The following P2RY12 variants were observed in gnomAD, a reference collection of about 807,000 sequenced individuals.
The protein encoded by P2RY12 is purinergic receptor P2Y12.
A neutral mutation model predicts 4.5 loss-of-function variants in P2RY12; 3 were observed. The observed-to-expected ratio is 0.67, with a 90% CI of 0.31 to 1.74. The LOEUF is 1.74. P2RY12 is among the 40% of genes most tolerant of loss of function. The pLI, the probability that P2RY12 is intolerant of heterozygous loss-of-function variation, is 0.09. For missense variants in P2RY12, 356 were observed against 407.8 expected (o/e 0.87, Z 1.09); for synonymous variants, 148 against 154.1 (o/e 0.96, Z 0.29).
At chr3:151,350,222 G>T (rs1414965197) in intron 1 of P2RY12, 1 of 1,610,800 alleles carries the variant, frequency 6.2e-7, no homozygotes. Context: ...GAACCTTAAT[G>T]CATTTGCTCC....
At chr3:151,377,104 C>T in intron 1 of P2RY12, 1 of 1,614,046 alleles carries the variant, frequency 6.2e-7, no homozygotes, top group Non-Finnish European at 8.5e-7. Flanking sequence ...CTGGCATGAG[C>T]CTCTTCAACC....
intron 1 of P2RY12, among the ~76,000 whole-genome samples, chr3:151,347,077 C>G (rs192724099): frequency 5.9e-5 from 9 of 152,172 alleles, no homozygotes; most frequent in Admixed American, 2.0e-4. Flanking sequence ...TGATCCTTTC[C>G]TAACTTCTTA....
chr3:151,373,106 A>G (rs1181629475), intron 1 of P2RY12, among the ~76,000 whole-genome samples: 2 of 152,196 alleles, frequency 1.3e-5, no homozygotes, highest in African/African-American at 4.8e-5. Context: ...TAACCAAAAT[A>G]TAGCTATTAA....
At chr3:151,368,080 T>A (rs1269047432) in intron 1 of P2RY12, 3 of 1,229,118 alleles carry the variant, frequency 2.4e-6, no homozygotes, top group Middle Eastern at 3.8e-4. Flanking sequence ...AAATTTAGCT[T>A]AATAGGAAAC....
chr3:151,338,600 A>G lies in P2RY12; in HGVS notation c.246T>C (p.Leu82=), dbSNP rs371733348. ...LMILTFPFKI[L]SDAKLGTGPL... ...GTCCTGTTCCCAGTTTGGCATCACT[A>G]AGAATTTTGAATGGAAAAGTCAGAA... Residue 82 remains leucine (L), a synonymous_variant, in exon 3 of 3, where the codon CTT becomes CTC. Transcript: ENST00000302632. 14 of 1,614,072 alleles carry G rather than the reference A, an allele frequency of 8.7e-6. No individual in the cohort carries two copies. Among genetic ancestry groups the G allele is most frequent in the African/African-American group, 5.3e-5 (4 of 75,050 alleles).
chr3:151,337,254 A>G lies in P2RY12; in HGVS notation c.*563T>C, dbSNP rs1369597393. Reference sequence around the variant, plus strand: ...TAAAAAATTAAGTCCAATCAAATACAGTTTCAATTAGTTTAAATCCCTTAG... The same window carrying G: ...TAAAAAATTAAGTCCAATCAAATACGGTTTCAATTAGTTTAAATCCCTTAG... On this transcript the variant is annotated 3_prime_UTR_variant, in exon 3 of 3. Coordinates refer to ENST00000302632, the MANE Select transcript of P2RY12 (RefSeq NM_022788.5). 6.6e-6 allele frequency: 1 copy of G among 152,380 alleles called. No homozygotes were observed. The highest frequency in any genetic ancestry group is 2.4e-5 in the African/African-American group (1 of 41,456). The allele number at this position is 152,380 out of a possible 1,614,324, so 9.4% of individuals were successfully genotyped here. A position where few individuals can be genotyped will look rare whatever the true frequency, so the allele number is the denominator to read the frequency against.
chr3:151,379,993 T>A lies in P2RY12; in HGVS notation c.-180+4699A>T, dbSNP rs192877724. 2.0e-3 allele frequency: 1,248 copies of A among 616,410 alleles called. 4 individuals are homozygous for A. Among genetic ancestry groups the A allele is most frequent in the Non-Finnish European group, 2.4e-3 (855 of 359,566 alleles). The allele number at this position is 616,410 out of a possible 1,614,324, so 38.2% of individuals were successfully genotyped here. A position where few individuals can be genotyped will look rare whatever the true frequency, so the allele number is the denominator to read the frequency against. On this transcript the variant is annotated intron_variant, in intron 1 of 2. Transcript: ENST00000302632. ...AGGTATGATTTAAATTTTCAAGCAGTCTTTGGCTATTTACCACCTCTCTTA... is the reference window on the plus strand; with the variant it reads ...AGGTATGATTTAAATTTTCAAGCAGACTTTGGCTATTTACCACCTCTCTTA...
intron 1 of P2RY12, among the ~76,000 whole-genome samples, chr3:151,353,862 C>A (rs1753553697): frequency 6.6e-6 from 1 of 152,022 alleles, no homozygotes; most frequent in African/African-American, 2.4e-5. Flanking sequence ...ACAGTGCTGG[C>A]CGGGCGCGGT....
chr3:151,340,384 T>C (rs1751659513), intron 2 of P2RY12, among the ~76,000 whole-genome samples: 2 of 152,182 alleles, frequency 1.3e-5, no homozygotes, highest in South Asian at 2.1e-4. Flanking sequence ...TTTCTATGCT[T>C]TGTATAATTT....
At chr3:151,366,019 G>A in intron 1 of P2RY12, 3 of 1,520,386 alleles carry the variant, frequency 2.0e-6, no homozygotes, top group Non-Finnish European at 2.6e-6. Flanking sequence ...TTTAAAAATT[G>A]AACTGTGCAA....
At chr3:151,350,709 G>T (rs891746784) in intron 1 of P2RY12, among the ~76,000 whole-genome samples, 3 of 152,064 alleles carry the variant, frequency 2.0e-5, no homozygotes, top group African/African-American at 7.2e-5. Flanking sequence ...GATTGCAGTA[G>T]GTAGTGATGG....
intron 1 of P2RY12, among the ~76,000 whole-genome samples, chr3:151,364,167 TTA>T (rs1754996624): frequency 6.6e-6 from 1 of 152,164 alleles, no homozygotes; most frequent in South Asian, 2.1e-4. Context: ...ATGGCTAAGT[TTA>T]TATAGAATCT....
rs866117666 is a variant in P2RY12 at position 151,350,412 on chromosome 3, G to C, written c.-179-9652C>G. 3.4e-4 allele frequency among the ~76,000 whole-genome samples: 51 copies of C among 151,848 alleles called. No individual in the cohort carries two copies. The Middle Eastern group carries it at 0.017, about 51-fold the overall frequency. The stretch of plus-strand genomic sequence containing the variant: ...CCTTGTATTAAAATATTAATACAAG[G>C]TATTAATATTAAATATTATTTTATT... On this transcript the variant is annotated intron_variant, in intron 1 of 2. Transcript: ENST00000302632.
intron 1 of P2RY12, among the ~76,000 whole-genome samples, chr3:151,370,310 T>C (rs17204459): frequency 0.11 from 16,989 of 152,278 alleles, 1,291 homozygotes; most frequent in Middle Eastern, 0.18. Context: ...TTGACTCTTA[T>C]GTTCAGAAGT....
intron 1 of P2RY12, among the ~76,000 whole-genome samples, chr3:151,361,649 G>C (rs796431894): frequency 2.0e-5 from 3 of 152,006 alleles, no homozygotes; most frequent in African/African-American, 7.2e-5. Flanking sequence ...TCCAGAATTT[G>C]TATTGAATTA....
chr3:151,342,439 A>T (rs1751980429), intron 1 of P2RY12, among the ~76,000 whole-genome samples: 1 of 152,234 alleles, frequency 6.6e-6, no homozygotes, highest in South Asian at 2.1e-4. Flanking sequence ...TTCACAGTGC[A>T]GAGCAGCAGC....
intron 1 of P2RY12, among the ~76,000 whole-genome samples, chr3:151,356,955 A>G (rs557795087): frequency 2.6e-5 from 4 of 152,324 alleles, no homozygotes; most frequent in East Asian, 1.9e-4. Flanking sequence ...CTAAAATTAT[A>G]CAGTCCAGGA....
intron 1 of P2RY12, among the ~76,000 whole-genome samples, chr3:151,383,570 T>G (rs12488803): frequency 0.29 from 44,448 of 152,172 alleles, 7,481 homozygotes; most frequent in Non-Finnish European, 0.38. Flanking sequence ...CTTCTTCATT[T>G]TAGTTAATGT....
At chr3:151,358,613 C>G (rs1754226097) in intron 1 of P2RY12, among the ~76,000 whole-genome samples, 3 of 151,956 alleles carry the variant, frequency 2.0e-5, no homozygotes, top group African/African-American at 7.2e-5. Flanking sequence ...AAATTGATTT[C>G]AGTATCATTT....
Sources: allele counts gnomAD v4.1 joint callset (sites outside exome capture counted in the v4.1 genomes callset), GRCh38; gene constraint gnomAD v4.1.1; transcripts MANE v1.5; gene names NCBI Gene and HGNC (gene_info 2026-07-23, HGNC 2026-07-21).